Variants in ZER1 observed in about 807,000 individuals in gnomAD.
ZER1 encodes the protein zyg-11 related cell cycle regulator.
In ZER1, 11 loss-of-function variants were observed where a neutral mutation model predicts 78.8. That is an observed-to-expected ratio of 0.14 (90% CI 0.09 to 0.23). ZER1 has a LOEUF of 0.23. Ranked by LOEUF, ZER1 falls within the 10% of genes least tolerant of loss-of-function variation. The pLI is 1.00. For missense variants in ZER1, 588 were observed against 996.9 expected, an observed-to-expected ratio of 0.59 and a Z score of 5.52; for synonymous variants, 400 against 407.0, an observed-to-expected ratio of 0.98 and a Z score of 0.21.
intron 1 of ZER1, among the ~76,000 whole-genome samples, chr9:128,769,414 CT>C (rs1017114428): frequency 2.1e-3 from 309 of 145,302 alleles, no homozygotes; most frequent in Middle Eastern, 3.6e-3. Flanking sequence ...TTCTTTCTTT[CT>C]TTTTTTTTTT....
Position 128,760,463 on chromosome 9 carries a change from A to G in ZER1, c.-94-4804T>C, listed in dbSNP as rs150048506. On this transcript the variant is annotated intron_variant, in intron 1 of 15. Coordinates refer to ENST00000291900, the MANE Select transcript of ZER1 (RefSeq NM_006336.4). ...GTGATCCGCCTGCCTCGGCCTCCCA[A>G]AGTGCTGGGATTACAGGCGTGAGCC... Among the ~76,000 whole-genome samples, 511 of 152,226 alleles carry G rather than the reference A, an allele frequency of 3.4e-3. 8 individuals are homozygous for G. The East Asian group carries it at 0.035, about 10-fold the overall frequency.
chr9:128,740,224 T>C lies in ZER1; in HGVS notation c.1854-105A>G. The stretch of plus-strand genomic sequence containing the variant: ...AACCAGAAGCAAGAGGTGCTACTTA[T>C]TTCTTTATCCCATATCGTCTATATA... On this transcript the variant is annotated intron_variant, in intron 12 of 15. Coordinates refer to ENST00000291900, the MANE Select transcript of ZER1 (RefSeq NM_006336.4). This position sits in a 1 kb window ranked among gnomAD's most constrained non-coding sequence, Gnocchi z 4.4. 8.7e-7 allele frequency: 1 copy of C among 1,147,480 alleles called. No homozygotes were observed. Among genetic ancestry groups the C allele is most frequent in the Non-Finnish European group, 1.2e-6 (1 of 814,484 alleles). The allele number at this position is 1,147,480 out of a possible 1,614,324, so 71.1% of individuals were successfully genotyped here.
At chr9:128,736,678 T>G (rs1413110716) in intron 13 of ZER1, among the ~76,000 whole-genome samples, 1 of 150,584 alleles carries the variant, frequency 6.6e-6, no homozygotes, top group African/African-American at 2.4e-5. Flanking sequence ...TGGCCTTTTT[T>G]TTTTTTTTTT....
At chr9:128,747,100 G>T (rs62583612) in intron 8 of ZER1, among the ~76,000 whole-genome samples, 12 of 151,958 alleles carry the variant, frequency 7.9e-5, no homozygotes, top group African/African-American at 2.9e-4. Context: ...TCAGGACACT[G>T]AGGCAGGAGA....
At position 128,752,628 on chromosome 9, in the gene ZER1, T is replaced by G. The variant is rs2017516; in HGVS notation, c.923+45A>C. 3.8e-3 allele frequency: 6,009 copies of G among 1,567,476 alleles called. 120 individuals carry two copies. The East Asian group carries it at 0.045, about 12-fold the overall frequency. On this transcript the variant is annotated intron_variant, in intron 5 of 15. Transcript: ENST00000291900. ...GAGCCACTGCGCCAGCCTAAATGCC[T>G]GTTGAATGACACCCTACCAGTAGCC...
upstream of ZER1, chr9:128,772,071 G>C (rs1179878001): frequency 6.6e-6 from 1 of 152,218 alleles, no homozygotes; most frequent in Non-Finnish European, 1.5e-5. Context: ...CGTTACGCCG[G>C]TGGAGGAAGC....
At chr9:128,760,185 T>C (rs780550015) in intron 1 of ZER1, among the ~76,000 whole-genome samples, 67 of 151,556 alleles carry the variant, frequency 4.4e-4, no homozygotes, top group Non-Finnish European at 7.2e-4. Context: ...TGGTCTCTCA[T>C]GTATGTTATA....
intron 11 of ZER1, among the ~76,000 whole-genome samples, chr9:128,741,201 CAG>C (rs1000050324): frequency 6.6e-5 from 10 of 152,166 alleles, no homozygotes; most frequent in Admixed American, 5.9e-4. Context: ...AGCAGGAAAA[CAG>C]AGCATGTGTT....
intron 11 of ZER1, 77 bp downstream of exon 11, chr9:128,741,458 T>C: frequency 6.2e-7 from 1 of 1,604,162 alleles, no homozygotes; most frequent in East Asian, 2.2e-5. Flanking sequence ...GCGGATTTGG[T>C]TGGTGGGGAG....
intron 11 of ZER1, 150 bp downstream of exon 11, chr9:128,741,385 T>C: frequency 8.3e-7 from 1 of 1,210,876 alleles, no homozygotes; most frequent in Non-Finnish European, 1.2e-6. Context: ...CAGCAAATCC[T>C]GGGTGGGTGG....
intron 1 of ZER1, among the ~76,000 whole-genome samples, chr9:128,759,862 T>G (rs1863988265): frequency 6.6e-6 from 1 of 152,142 alleles, no homozygotes; most frequent in South Asian, 2.1e-4. Flanking sequence ...ATGTATGTAT[T>G]TTTTTGTTTG....
intron 14 of ZER1, among the ~76,000 whole-genome samples, chr9:128,734,692 G>C (rs1235334588): frequency 6.6e-6 from 1 of 152,068 alleles, no homozygotes; most frequent in East Asian, 1.9e-4. Flanking sequence ...GGCTCCTAAA[G>C]ATGGTGATCC....
Position 128,754,914 on chromosome 9 carries a change from G to T in ZER1, c.158+494C>A, listed in dbSNP as rs1402999119. On this transcript the variant is annotated intron_variant, in intron 2 of 15. Transcript: ENST00000291900. This position sits in a 1 kb window ranked among gnomAD's most constrained non-coding sequence, Gnocchi z 4.3. ...CTAGGAGTGGGGAGGCCCTCGGAGG[G>T]CCATTCAGATTTTCTGGATGATTCA... Among the ~76,000 whole-genome samples, 2 of 152,112 alleles carry T rather than the reference G, an allele frequency of 1.3e-5. No homozygotes were observed. The highest frequency in any genetic ancestry group is 2.9e-5 in the Non-Finnish European group (2 of 68,026).
intron 8 of ZER1, among the ~76,000 whole-genome samples, chr9:128,747,829 G>A (rs867601557): frequency 2.4e-4 from 36 of 152,284 alleles, no homozygotes; most frequent in African/African-American, 8.2e-4. Flanking sequence ...ATGTTGGCCA[G>A]GCTGGTCTGG....
chr9:128,734,144 A>AAAAAAATATATATATATATATATATAT, intron 14 of ZER1, among the ~76,000 whole-genome samples: 5 of 14,430 alleles, frequency 3.5e-4, no homozygotes, highest in Non-Finnish European at 7.2e-4. Context: ...AAAAAAAAAA[A>AAAAAAATATATATATATATATATATAT]ATATATATAT....
intron 8 of ZER1, among the ~76,000 whole-genome samples, chr9:128,747,396 C>A (rs1456700563): frequency 6.6e-6 from 1 of 152,140 alleles, no homozygotes; most frequent in Non-Finnish European, 1.5e-5. Context: ...TTGACCTTGG[C>A]CACTCCCTCC....
intron 13 of ZER1, among the ~76,000 whole-genome samples, 161 bp from the exon 14 acceptor site, chr9:128,735,592 G>T (rs1863039368): frequency 6.6e-6 from 1 of 152,038 alleles, no homozygotes. Context: ...CCACTGGCAG[G>T]CTGCACAACA....
At chr9:128,738,468 C>T (rs1863168860) in intron 13 of ZER1, among the ~76,000 whole-genome samples, 1 of 149,862 alleles carries the variant, frequency 6.7e-6, no homozygotes, top group South Asian at 2.1e-4. Context: ...TAACTGCAAG[C>T]TCCGCCTCCC....
At chr9:128,765,472 C>A (rs1195272850) in intron 1 of ZER1, among the ~76,000 whole-genome samples, 1 of 152,192 alleles carries the variant, frequency 6.6e-6, no homozygotes, top group African/African-American at 2.4e-5. Flanking sequence ...GGATGCAAAC[C>A]TAAAGCAGAC....
Sources: allele counts gnomAD v4.1 joint callset (sites outside exome capture counted in the v4.1 genomes callset), GRCh38; gene constraint gnomAD v4.1.1; non-coding constraint Gnocchi (gnomAD v3.1); transcripts MANE v1.5; gene names NCBI Gene and HGNC (gene_info 2026-07-23, HGNC 2026-07-21).